MALRD1: variants seen among roughly 807,000 people sequenced by gnomAD.
The protein encoded by MALRD1 is MAM and LDL-receptor class A domain-containing protein 1.
MALRD1 carries 247 observed loss-of-function variants against 242.1 expected under a neutral mutation model. The observed-to-expected ratio is 1.02, with a 90% CI of 0.92 to 1.13. The LOEUF (loss-of-function observed/expected upper bound fraction) is 1.13. Among genes scored for constraint, MALRD1 ranks in the 50% most tolerant of loss-of-function variants. The pLI is 0.00. For synonymous variants in MALRD1, 995 were observed against 866.6 expected, an observed-to-expected ratio of 1.15 and a Z score of -2.60; for missense variants, 2,989 against 2,533.1, an observed-to-expected ratio of 1.18 and a Z score of -3.86.
In MALRD1 at chr10:19,204,888, T is replaced by C; in HGVS notation, c.2211-10T>C. 2 of 1,527,936 alleles carry C rather than the reference T, an allele frequency of 1.3e-6. No homozygotes were observed. Among genetic ancestry groups the C allele is most frequent in the African/African-American group, 1.4e-5 (1 of 72,154 alleles). 94.6% of individuals were successfully genotyped at this position (1,527,936 alleles called of 1,614,324 possible). On this transcript the variant is annotated splice_polypyrimidine_tract_variant and intron_variant, in intron 16 of 39. Coordinates refer to ENST00000454679, the MANE Select transcript of MALRD1 (RefSeq NM_001142308.3). ...AATCACTTCCATTTCTTACGTTTAC[T>C]CTTTTTTAGGTTCTATAACTATGGC...
intron 21 of MALRD1, among the ~76,000 whole-genome samples, chr10:19,296,727 A>G (rs1316800705): frequency 1.3e-5 from 2 of 151,554 alleles, no homozygotes; most frequent in Non-Finnish European, 2.9e-5. Flanking sequence ...AGTATTTGTT[A>G]TATAAAATAG....
intron 38 of MALRD1, among the ~76,000 whole-genome samples, chr10:19,695,462 G>A (rs1185893279): frequency 1.3e-5 from 2 of 151,610 alleles, no homozygotes; most frequent in Admixed American, 6.6e-5. Flanking sequence ...CATATGGCTG[G>A]GGAGGCCTCA....
At chr10:19,663,307 T>G (rs777476806) in intron 36 of MALRD1, among the ~76,000 whole-genome samples, 1 of 152,148 alleles carries the variant, frequency 6.6e-6, no homozygotes, top group African/African-American at 2.4e-5. Context: ...TCATTTCACT[T>G]AGTATAATGG....
intron 21 of MALRD1, among the ~76,000 whole-genome samples, chr10:19,303,776 A>G (rs1479934674): frequency 6.6e-6 from 1 of 151,766 alleles, no homozygotes; most frequent in Non-Finnish European, 1.5e-5. Context: ...TGTGAATATT[A>G]CATACTACAT....
At chr10:19,541,809 C>G (rs1030418643) in intron 32 of MALRD1, among the ~76,000 whole-genome samples, 9 of 152,138 alleles carry the variant, frequency 5.9e-5, no homozygotes, top group African/African-American at 1.9e-4. Flanking sequence ...CAATGAGACA[C>G]TTTGAGAGCT....
chr10:19,227,335 C>G (rs4351724), intron 18 of MALRD1, among the ~76,000 whole-genome samples: 19,687 of 151,902 alleles, frequency 0.13, 1,619 homozygotes, highest in Admixed American at 0.26. Context: ...GAAATATATC[C>G]AGCCTTACAT....
chr10:19,593,793 C>T (rs150146126), intron 33 of MALRD1, among the ~76,000 whole-genome samples: 16 of 152,308 alleles, frequency 1.1e-4, no homozygotes, highest in African/African-American at 3.6e-4. Context: ...AAGTTTATTA[C>T]ACTAGCATTG....
At chr10:19,594,792 A>G (rs1837995747) in intron 33 of MALRD1, among the ~76,000 whole-genome samples, 4 of 152,126 alleles carry the variant, frequency 2.6e-5, no homozygotes, top group Non-Finnish European at 5.9e-5. Context: ...GTGAGGATGC[A>G]AATGCATAAT....
intron 2 of MALRD1, among the ~76,000 whole-genome samples, chr10:19,078,795 G>A (rs148056020): frequency 4.5e-4 from 69 of 151,650 alleles, no homozygotes; most frequent in Admixed American, 1.7e-3. Context: ...ATCTAATTTG[G>A]TAGTATGAAA....
At chr10:19,624,599 C>T (rs1459090532) in intron 36 of MALRD1, among the ~76,000 whole-genome samples, 2 of 152,028 alleles carry the variant, frequency 1.3e-5, no homozygotes, top group African/African-American at 4.8e-5. Context: ...GGCATGGTGG[C>T]TCACACCTAT....
At chr10:19,369,584 T>C (rs905444579) in intron 26 of MALRD1, among the ~76,000 whole-genome samples, 1 of 149,282 alleles carries the variant, frequency 6.7e-6, no homozygotes, top group Admixed American at 6.8e-5. Flanking sequence ...TGTGAATATA[T>C]CCATATAAAT....
intron 14 of MALRD1, among the ~76,000 whole-genome samples, chr10:19,191,640 C>T (rs1323917595): frequency 6.6e-6 from 1 of 152,096 alleles, no homozygotes; most frequent in Non-Finnish European, 1.5e-5. Flanking sequence ...TGAATGCATA[C>T]AATGGAATGT....
chr10:19,179,133 A>C (rs1322297699), intron 14 of MALRD1, among the ~76,000 whole-genome samples: 3 of 152,248 alleles, frequency 2.0e-5, no homozygotes, highest in Non-Finnish European at 4.4e-5. Flanking sequence ...TAGAAAAATA[A>C]GTAACACATG....
At chr10:19,223,630 C>G (rs1015242681) in intron 18 of MALRD1, among the ~76,000 whole-genome samples, 18 of 152,002 alleles carry the variant, frequency 1.2e-4, no homozygotes, top group Non-Finnish European at 1.9e-4. Flanking sequence ...CATGTGCTGT[C>G]GTGGTTTGCT....
In MALRD1 at chr10:19,374,774, A is replaced by C. The variant is rs768646681; in HGVS notation, c.4442-12754A>C. On this transcript the variant is annotated intron_variant, in intron 26 of 39. Transcript: ENST00000454679. Reference sequence around the variant, plus strand: ...AATAAAGAAACTGGCCAACAGGTGCATGCCAGCTGTCCTTTAAGAAAAGTA... The same window carrying C: ...AATAAAGAAACTGGCCAACAGGTGCCTGCCAGCTGTCCTTTAAGAAAAGTA... Among the ~76,000 whole-genome samples, 5 of 152,322 alleles carry C rather than the reference A, an allele frequency of 3.3e-5. No individual in the cohort carries two copies. The Middle Eastern group carries it at 0.014, about 414-fold the overall frequency.
At chr10:19,577,707 C>T (rs1007617903) in intron 33 of MALRD1, among the ~76,000 whole-genome samples, 8 of 151,960 alleles carry the variant, frequency 5.3e-5, no homozygotes, top group African/African-American at 4.8e-5. Context: ...TGAATGATGA[C>T]GTTGGCCACA....
At chr10:19,430,452 C>T (rs530619165) in intron 28 of MALRD1, among the ~76,000 whole-genome samples, 1 of 152,000 alleles carries the variant, frequency 6.6e-6, no homozygotes, top group South Asian at 2.1e-4. Flanking sequence ...GTATCCTGTT[C>T]ACCTTCCGAG....
At chr10:19,635,262 A>C (rs12268966) in intron 36 of MALRD1, among the ~76,000 whole-genome samples, 6,835 of 152,276 alleles carry the variant, frequency 0.045, 201 homozygotes, top group Middle Eastern at 0.092. Context: ...TCTCATGGTA[A>C]CAGAGACAGA....
At chr10:19,335,192 G>GT (rs397828429) in intron 24 of MALRD1, among the ~76,000 whole-genome samples, 75,508 of 137,058 alleles carry the variant, frequency 0.55, 20,300 homozygotes, top group Middle Eastern at 0.58. Flanking sequence ...GTTTTTTTTT[G>GT]TTTTTTTTTT....
Sources: gnomAD v4.1 joint callset for allele counts (sites outside exome capture counted in the v4.1 genomes callset) on GRCh38, gnomAD v4.1.1 for gene constraint, MANE v1.5 for transcripts, NCBI Gene and HGNC (gene_info 2026-07-23, HGNC 2026-07-21) for gene names.